The following CRPPA variants were observed in gnomAD, a reference collection of about 807,000 sequenced individuals.
The protein encoded by CRPPA is CDP-L-ribitol pyrophosphorylase A.
A neutral mutation model predicts 52.0 loss-of-function variants in CRPPA; 43 were observed. The observed-to-expected ratio is 0.83, with a 90% CI of 0.65 to 1.07. The LOEUF is 1.07. Among genes scored for constraint, CRPPA ranks in the 50% least tolerant of loss-of-function variants. CRPPA has a pLI of 0.00. For missense variants in CRPPA, 629 were observed against 551.7 expected, an observed-to-expected ratio of 1.14 and a Z score of -1.40; for synonymous variants, 250 against 203.5, an observed-to-expected ratio of 1.23 and a Z score of -1.94.
intron 8 of CRPPA, 89 bp from the exon 9 acceptor site, chr7:16,216,286 T>G: frequency 1.3e-6 from 1 of 766,802 alleles, no homozygotes. Flanking sequence ...AAAACCCATA[T>G]GATTACAATA....
intron 5 of CRPPA, among the ~76,000 whole-genome samples, chr7:16,294,115 C>G (rs1003596748): frequency 6.6e-6 from 1 of 151,782 alleles, no homozygotes; most frequent in African/African-American, 2.4e-5. Flanking sequence ...TATATATTCT[C>G]TAAGTTAGTT....
chr7:16,131,592 T>C (rs1381158977), intron 9 of CRPPA, among the ~76,000 whole-genome samples: 2 of 152,054 alleles, frequency 1.3e-5, no homozygotes, highest in Non-Finnish European at 2.9e-5. Flanking sequence ...CACCTAGATT[T>C]TTCTTTTTTG....
At chr7:16,317,138 TA>T (rs1785160331) in intron 3 of CRPPA, among the ~76,000 whole-genome samples, 1 of 152,142 alleles carries the variant, frequency 6.6e-6, no homozygotes. Flanking sequence ...ACCAATTGAT[TA>T]AGAGCATGGA....
chr7:16,413,975 T>C (rs757549606), intron 1 of CRPPA, among the ~76,000 whole-genome samples: 19 of 152,104 alleles, frequency 1.2e-4, no homozygotes, highest in Non-Finnish European at 2.6e-4. Context: ...TCAGTGCCAA[T>C]AGATTAACAT....
chr7:16,148,776 TA>T lies in CRPPA; in HGVS notation c.1252-56978del, dbSNP rs538569606. Among the ~76,000 whole-genome samples, 28 of 152,242 alleles carry T rather than the reference TA, an allele frequency of 1.8e-4. No individual in the cohort carries two copies. The South Asian group carries it at 4.4e-3, about 24-fold the overall frequency. ...TGATAATATTATGGAATGCATTAGC[TA>T]TTATAATTTTTGCATATATTTATAA... is the stretch of plus-strand genomic sequence containing the variant. On this transcript the variant is annotated intron_variant, in intron 9 of 9. Coordinates refer to ENST00000407010, the MANE Select transcript of CRPPA (RefSeq NM_001101426.4).
chr7:16,397,289 G>C (rs566621621), intron 2 of CRPPA, among the ~76,000 whole-genome samples: 2 of 152,352 alleles, frequency 1.3e-5, no homozygotes, highest in South Asian at 2.1e-4. Flanking sequence ...ACACAATTGT[G>C]ACAAGTCACT....
chr7:16,396,800 C>T (rs529610133), intron 2 of CRPPA, among the ~76,000 whole-genome samples: 2 of 152,250 alleles, frequency 1.3e-5, no homozygotes, highest in East Asian at 3.9e-4. Context: ...ATGTGTGTAA[C>T]TAAAGATGTG....
intron 9 of CRPPA, among the ~76,000 whole-genome samples, chr7:16,179,556 G>A (rs935314323): frequency 6.6e-6 from 1 of 152,102 alleles, no homozygotes; most frequent in East Asian, 1.9e-4. Flanking sequence ...CAGAGAAAAG[G>A]GTCACAAGCA....
At chr7:16,152,280 A>T (rs775688527) in intron 9 of CRPPA, among the ~76,000 whole-genome samples, 4 of 152,004 alleles carry the variant, frequency 2.6e-5, no homozygotes, top group Non-Finnish European at 5.9e-5. Context: ...TTTGATGTAC[A>T]TTAAATGTGT....
chr7:16,210,959 T>C (rs188768583), intron 9 of CRPPA, among the ~76,000 whole-genome samples: 86 of 152,152 alleles, frequency 5.7e-4, no homozygotes, highest in Admixed American at 1.3e-3. Context: ...CATTTCAAAA[T>C]AGCTAGAAGA....
chr7:16,348,221 TTGTC>T (rs1244078546), intron 3 of CRPPA, among the ~76,000 whole-genome samples: 1 of 152,160 alleles, frequency 6.6e-6, no homozygotes, highest in East Asian at 1.9e-4. Flanking sequence ...TGAAAAGAAT[TTGTC>T]TGTCCATTGA....
rs1783252217 is a variant in CRPPA at position 16,245,680 on chromosome 7, T to C, written c.1119+12710A>G. 2.0e-5 allele frequency among the ~76,000 whole-genome samples: 3 copies of C among 152,166 alleles called. No individual in the cohort carries two copies. The South Asian group carries it at 6.2e-4, about 31-fold the overall frequency. ...CTATGCAATGGGAAAGTAACAAGCA[T>C]ACCTCAAAAATATTGGGAGTTTCCC... On this transcript the variant is annotated intron_variant, in intron 8 of 9. Transcript: ENST00000407010.
intron 2 of CRPPA, among the ~76,000 whole-genome samples, chr7:16,393,716 T>TTAAG (rs1374244966): frequency 6.6e-6 from 1 of 152,144 alleles, no homozygotes; most frequent in African/African-American, 2.4e-5. Context: ...ATTAGTGATT[T>TTAAG]TAAGTATATT....
Position 16,233,499 on chromosome 7 carries a change from C to A in CRPPA, c.1120-17302G>T, listed in dbSNP as rs555085688. On this transcript the variant is annotated intron_variant, in intron 8 of 9. Transcript: ENST00000407010. The stretch of plus-strand genomic sequence containing the variant: ...TTTTTGTAATTAAATCACATATATT[C>A]AAGAATTAGAGAATATATTAAAAAG... 2.8e-4 allele frequency among the ~76,000 whole-genome samples: 43 copies of A among 152,148 alleles called. No individual in the cohort carries two copies. In the South Asian group the frequency reaches 8.9e-3, roughly 32 times the overall value.
chr7:16,332,574 A>G (rs1785577280), intron 3 of CRPPA, among the ~76,000 whole-genome samples: 1 of 152,158 alleles, frequency 6.6e-6, no homozygotes, highest in Non-Finnish European at 1.5e-5. Flanking sequence ...TTATAGTGTT[A>G]TTTGAAAATA....
chr7:16,148,200 A>T (rs1013213204), intron 9 of CRPPA, among the ~76,000 whole-genome samples: 3 of 152,208 alleles, frequency 2.0e-5, no homozygotes, highest in African/African-American at 7.2e-5. Context: ...ATAACTAGAC[A>T]TAATTTTCTC....
chr7:16,414,350 AACACACACACAC>A (rs3085030), intron 1 of CRPPA, among the ~76,000 whole-genome samples: 2,107 of 138,746 alleles, frequency 0.015, 46 homozygotes, highest in African/African-American at 0.039. Context: ...CCCCTACCCC[AACACACACACAC>A]ACACACACAC....
At chr7:16,213,623 C>T (rs1282511162) in intron 9 of CRPPA, among the ~76,000 whole-genome samples, 1 of 151,858 alleles carries the variant, frequency 6.6e-6, no homozygotes, top group Non-Finnish European at 1.5e-5. Flanking sequence ...GTGGCGGGCA[C>T]CCATAATCCC....
intron 3 of CRPPA, among the ~76,000 whole-genome samples, chr7:16,340,526 A>G (rs929114451): frequency 3.3e-5 from 5 of 151,954 alleles, no homozygotes; most frequent in African/African-American, 9.7e-5. Flanking sequence ...AAGTAAAACA[A>G]TAAGATAATA....
Sources: allele counts gnomAD v4.1 joint callset (sites outside exome capture counted in the v4.1 genomes callset), GRCh38; gene constraint gnomAD v4.1.1; transcripts MANE v1.5; gene names NCBI Gene and HGNC (gene_info 2026-07-23, HGNC 2026-07-21).